Variants in PCDH7 observed in about 807,000 individuals in gnomAD.
The protein encoded by PCDH7 is protocadherin 7.
A neutral mutation model predicts 58.9 loss-of-function variants in PCDH7; 17 were observed. The ratio of observed to expected loss-of-function variants is 0.29; its 90% CI spans 0.20 to 0.43. PCDH7 has a LOEUF of 0.43. Ranked by LOEUF, PCDH7 falls within the 20% of genes least tolerant of loss-of-function variation. The pLI, the probability that PCDH7 is intolerant of heterozygous loss-of-function variation, is 1.00. For synonymous variants in PCDH7, 664 were observed against 616.4 expected (o/e 1.08, Z -1.14); for missense variants, 1,274 against 1,441.0 (o/e 0.88, Z 1.88).
Position 30,722,208 on chromosome 4 carries a change from G to T in PCDH7, c.786G>T (p.Val262=). ...GCGAGAAGCAGCCGCAGCTGATCGTGAAGGGGGCGCTGGACCGCGAGCAGC... is the reference window on the plus strand; with the variant it reads ...GCGAGAAGCAGCCGCAGCTGATCGTTAAGGGGGCGCTGGACCGCGAGCAGC... Residue 262 remains valine (V), a synonymous_variant, in exon 1 of 2, where the codon GTG becomes GTT. Transcript: ENST00000361762. The surrounding 1 kb of genome is among the most constrained non-coding windows in gnomAD (Gnocchi z 7.6). 1 of 1,585,910 alleles carries T rather than the reference G, an allele frequency of 6.3e-7. No individual in the cohort carries two copies. The highest frequency in any genetic ancestry group is 1.3e-5 in the African/African-American group (1 of 74,272).
intron 1 of PCDH7, among the ~76,000 whole-genome samples, chr4:30,808,893 G>T (rs1726607644): frequency 1.3e-5 from 2 of 152,068 alleles, no homozygotes; most frequent in Non-Finnish European, 2.9e-5. Context: ...CAACTTAGAG[G>T]TCTTCATCAG....
intron 1 of PCDH7, among the ~76,000 whole-genome samples, chr4:30,773,992 T>C (rs1721747674): frequency 1.3e-5 from 2 of 152,210 alleles, no homozygotes; most frequent in Non-Finnish European, 2.9e-5. Flanking sequence ...CCTGAGATCT[T>C]GGTACCACAT....
At chr4:31,032,795 A>G (rs1379672999) in intron 3 of PCDH7, among the ~76,000 whole-genome samples, 1 of 151,990 alleles carries the variant, frequency 6.6e-6, no homozygotes, top group African/African-American at 2.4e-5. Flanking sequence ...CAAAATTCAA[A>G]TCTTGAAACA....
chr4:30,738,132 C>A (rs973410422), intron 1 of PCDH7, among the ~76,000 whole-genome samples: 1 of 152,112 alleles, frequency 6.6e-6, no homozygotes, highest in Non-Finnish European at 1.5e-5. Flanking sequence ...AACTTTAGTA[C>A]CCCATTTAAC....
intron 3 of PCDH7, among the ~76,000 whole-genome samples, chr4:31,083,279 T>A (rs1186726967): frequency 6.6e-6 from 1 of 152,122 alleles, no homozygotes; most frequent in Non-Finnish European, 1.5e-5. Flanking sequence ...AAGAAAAAAA[T>A]TGATTTTACT....
Position 30,894,508 on chromosome 4 carries a change from TATATATATACACAC to T in PCDH7, c.71-25643_71-25630del, listed in dbSNP as rs1234610409. Among the ~76,000 whole-genome samples, 168 of 49,110 alleles carry T rather than the reference TATATATATACACAC, an allele frequency of 3.4e-3. 1 individual carries two copies. Among genetic ancestry groups the T allele is most frequent in the African/African-American group, 0.02 (164 of 8,354 alleles). The allele number at this position is 49,110 out of a possible 152,430, so 32.2% of individuals were successfully genotyped here. On this transcript the variant is annotated intron_variant, in intron 1 of 3. Transcript: ENST00000509759. The stretch of plus-strand genomic sequence containing the variant: ...AAAAAAAAATATATATATATATATA[TATATATATACACAC>T]ACACACACACACACACACACACACA...
chr4:30,787,232 C>T (rs145274439), intron 1 of PCDH7, among the ~76,000 whole-genome samples: 47 of 152,150 alleles, frequency 3.1e-4, no homozygotes, highest in Admixed American at 1.0e-3. Flanking sequence ...TATGGGATTT[C>T]ATTTGCCTTG....
intron 3 of PCDH7, among the ~76,000 whole-genome samples, chr4:30,999,620 T>C (rs2109135401): frequency 6.6e-6 from 1 of 152,244 alleles, no homozygotes; most frequent in African/African-American, 2.4e-5. Context: ...GCAAGGGCCT[T>C]TTGTAAAGAC....
chr4:30,889,633 TC>T (rs1309968035), intron 1 of PCDH7, among the ~76,000 whole-genome samples: 3 of 152,144 alleles, frequency 2.0e-5, no homozygotes, highest in Non-Finnish European at 4.4e-5. Context: ...AAATTCAAGA[TC>T]AAGACACTGG....
chr4:30,849,435 T>G (rs967007624), intron 1 of PCDH7, among the ~76,000 whole-genome samples: 2 of 152,152 alleles, frequency 1.3e-5, no homozygotes, highest in African/African-American at 4.8e-5. Flanking sequence ...CTTTCAGTCT[T>G]CTTCCCTCCG....
intron 3 of PCDH7, among the ~76,000 whole-genome samples, chr4:31,035,401 G>A (rs1755322317): frequency 1.3e-5 from 2 of 151,902 alleles, no homozygotes; most frequent in Non-Finnish European, 2.9e-5. Context: ...TTATGGGCGT[G>A]TGCCACCACG....
intron 3 of PCDH7, among the ~76,000 whole-genome samples, chr4:31,087,763 A>C (rs1444697218): frequency 3.3e-5 from 5 of 152,148 alleles, no homozygotes; most frequent in Non-Finnish European, 7.4e-5. Context: ...ATTCAGACGA[A>C]TTACATTAAA....
At chr4:30,825,388 T>C (rs1016889191) in intron 1 of PCDH7, among the ~76,000 whole-genome samples, 2 of 152,190 alleles carry the variant, frequency 1.3e-5, no homozygotes, top group Non-Finnish European at 2.9e-5. Context: ...GTATGTTTTA[T>C]CTTTTTTTGT....
At chr4:30,804,953 C>G (rs1324140965) in intron 1 of PCDH7, among the ~76,000 whole-genome samples, 1 of 152,142 alleles carries the variant, frequency 6.6e-6, no homozygotes, top group African/African-American at 2.4e-5. Flanking sequence ...CTCGTTTTGT[C>G]CTTTCTACTC....
chr4:30,925,179 G>T (rs753721848), intron 2 of PCDH7, among the ~76,000 whole-genome samples: 2 of 152,084 alleles, frequency 1.3e-5, no homozygotes, highest in African/African-American at 2.4e-5. Flanking sequence ...TAAACATGCT[G>T]CAGTAAAACA....
At chr4:30,730,012 T>G (rs1267903732) in intron 1 of PCDH7, among the ~76,000 whole-genome samples, 1 of 151,962 alleles carries the variant, frequency 6.6e-6, no homozygotes, top group Non-Finnish European at 1.5e-5. Context: ...AGCCATTACT[T>G]CAACACAGCA....
intron 3 of PCDH7, among the ~76,000 whole-genome samples, chr4:31,107,464 A>G (rs1715719591): frequency 6.6e-6 from 1 of 152,238 alleles, no homozygotes; most frequent in Admixed American, 6.5e-5. Flanking sequence ...ATGAGTCAAA[A>G]GCAATCTCCT....
At chr4:30,724,302 T>C (rs1307916495) in exon 1 of PCDH7, 5 of 1,613,686 alleles carry the variant, frequency 3.1e-6, no homozygotes, top group Non-Finnish European at 4.2e-6. Flanking sequence ...CTAAGCCAAA[T>C]GGACAGAGGT....
chr4:31,097,638 A>ATATATATATATATATAATC (rs370034723), intron 3 of PCDH7, among the ~76,000 whole-genome samples: 5 of 79,210 alleles, frequency 6.3e-5, no homozygotes, highest in Non-Finnish European at 7.3e-5. Context: ...ATATATATAT[A>ATATATATATATATATAATC]AATCTTTTTT....
Sources: gnomAD v4.1 joint callset for allele counts (sites outside exome capture counted in the v4.1 genomes callset) on GRCh38, gnomAD v4.1.1 for gene constraint, Gnocchi (gnomAD v3.1) non-coding constraint, MANE v1.5 for transcripts, NCBI Gene and HGNC (gene_info 2026-07-23, HGNC 2026-07-21) for gene names.